HS1BP3: variants seen among roughly 807,000 people sequenced by gnomAD.
HS1BP3 encodes the protein HCLS1-binding protein 3.
HS1BP3 carries 32 observed loss-of-function variants against 33.5 expected under a neutral mutation model. The ratio of observed to expected loss-of-function variants is 0.95; its 90% CI spans 0.72 to 1.28. The LOEUF is 1.28. Among genes scored for constraint, HS1BP3 ranks in the 50% most tolerant of loss-of-function variants. The pLI, the probability that HS1BP3 is intolerant of heterozygous loss-of-function variation, is 0.00. For synonymous variants in HS1BP3, 187 were observed against 209.2 expected (o/e 0.89, Z 0.92); for missense variants, 486 against 502.3 (o/e 0.97, Z 0.31).
At chr2:20,644,647 T>C (rs1695461503) in intron 2 of HS1BP3, among the ~76,000 whole-genome samples, 1 of 152,232 alleles carries the variant, frequency 6.6e-6, no homozygotes, top group Admixed American at 6.5e-5. Context: ...GCAACTGGCC[T>C]GCTCCAAGCC....
chr2:20,564,892 C>A (rs1220093713), intron 5 of HS1BP3, among the ~76,000 whole-genome samples: 1 of 152,214 alleles, frequency 6.6e-6, no homozygotes, highest in South Asian at 2.1e-4. Context: ...AGAGGCAGAA[C>A]TTCCACCACC....
downstream of HS1BP3, among the ~76,000 whole-genome samples, chr2:20,556,993 C>T (rs1164252511): frequency 6.6e-6 from 1 of 152,210 alleles, no homozygotes; most frequent in Non-Finnish European, 1.5e-5. Context: ...GTTCGTTCTA[C>T]CCCATGCCTT....
chr2:20,571,919 G>A (rs74346023), intron 5 of HS1BP3, among the ~76,000 whole-genome samples: 7,314 of 152,300 alleles, frequency 0.048, 165 homozygotes, highest in South Asian at 0.066. Flanking sequence ...CCGGAGCACC[G>A]AGGCCAGGAA....
At chr2:20,648,244 C>T (rs1410192743) in intron 1 of HS1BP3, among the ~76,000 whole-genome samples, 5 of 152,192 alleles carry the variant, frequency 3.3e-5, no homozygotes, top group South Asian at 2.1e-4. Flanking sequence ...CCCCTTGCTC[C>T]GTTTCCCTCC....
Position 20,623,966 on chromosome 2 carries a change from G to A in HS1BP3, c.850C>T (p.Pro284Ser), listed in dbSNP as rs750317686. 2.5e-6 allele frequency: 4 copies of A among 1,612,180 alleles called. No homozygotes were observed. The highest frequency in any genetic ancestry group is 2.2e-5 in the East Asian group (1 of 44,864). ...AIPLGDSLLL[P>S]AACESGGPTP... ...GGCCCTCCACTCTCACAGGCGGCTG[G>A]CAGCAGGAGGGAGTCACCCAGGGGG... is the stretch of plus-strand genomic sequence containing the variant. Residue 284 changes from proline to serine, a missense_variant, in exon 6 of 7, where the codon CCA becomes TCA. Physicochemically the swap from Pro to Ser is moderately conservative, Grantham distance 74 (BLOSUM62 -1). Transcript: ENST00000304031.
chr2:20,583,488 C>T (rs1403340864), intron 5 of HS1BP3, among the ~76,000 whole-genome samples: 6 of 152,196 alleles, frequency 3.9e-5, no homozygotes, highest in Admixed American at 2.6e-4. Context: ...CCTGGAGGGA[C>T]GCTGCTGGAT....
At position 20,601,441 on chromosome 2, in the gene HS1BP3, A is replaced by C. The variant is rs1201132878; in HGVS notation, c.179-3176T>G. ...ACGCAGATCTGAGTGAGGGTTTGAT[A>C]TCGTTTGGCTGTGACCCCACCCATA... On this transcript the variant is annotated intron_variant, in intron 2 of 3. Transcript: ENST00000415264. Among the ~76,000 whole-genome samples the C allele has an allele frequency of 2.6e-5, 4 of 152,168 alleles. No individual in the cohort carries two copies. The East Asian group carries it at 7.7e-4, about 29-fold the overall frequency.
intron 5 of HS1BP3, among the ~76,000 whole-genome samples, chr2:20,564,749 G>A (rs1240023642): frequency 1.3e-5 from 2 of 152,180 alleles, no homozygotes; most frequent in Admixed American, 6.5e-5. Flanking sequence ...CTCCCAAAGT[G>A]CTGAGATTAC....
rs1043387560 is a variant in HS1BP3, at chr2:20,618,965, G to T, written c.*22C>A. ...ATGTCCCCACAGACAGGCCTGCTGG[G>T]CCAGGGGCCAGCATGGAAGGGTCAG... On this transcript the variant is annotated 3_prime_UTR_variant, in exon 7 of 7. Coordinates refer to ENST00000304031, the MANE Select transcript of HS1BP3 (RefSeq NM_022460.4). 6.2e-7 allele frequency: 1 copy of T among 1,604,888 alleles called. No homozygotes were observed. The highest frequency in any genetic ancestry group is 1.3e-5 in the African/African-American group (1 of 74,912).
rs150458968 is a variant in HS1BP3, at chr2:20,645,153, G to A, written c.198+187C>T. Among the ~76,000 whole-genome samples, 605 of 152,238 alleles carry A rather than the reference G, an allele frequency of 4.0e-3. 8 individuals are homozygous for A. The highest frequency in any genetic ancestry group is 0.013 in the African/African-American group (555 of 41,552). ...TCTCTTTAGAGGTCTGCCTCTCCAC[G>A]GACTGAGAGCGTCTGATTCACCCTG... On this transcript the variant is annotated intron_variant, in intron 2 of 6. Transcript: ENST00000304031.
chr2:20,638,755 G>A, intron 3 of HS1BP3, 103 bp from the exon 4 acceptor site: 1 of 866,142 alleles, frequency 1.2e-6, no homozygotes, highest in Non-Finnish European at 1.8e-6. Context: ...GAGGCCGAGG[G>A]CTTCCTGCAG....
At chr2:20,569,644 C>T (rs576270738) in intron 5 of HS1BP3, among the ~76,000 whole-genome samples, 32 of 152,364 alleles carry the variant, frequency 2.1e-4, no homozygotes, top group African/African-American at 7.5e-4. Context: ...AGCCATGCCT[C>T]TCTCGGTCAC....
intron 2 of HS1BP3, among the ~76,000 whole-genome samples, chr2:20,604,082 T>A (rs567053712): frequency 1.3e-5 from 2 of 152,228 alleles, no homozygotes; most frequent in Non-Finnish European, 2.9e-5. Flanking sequence ...ATTCCCTTTT[T>A]GGAAATTAAC....
At chr2:20,639,332 G>C (rs895460107) in intron 3 of HS1BP3, among the ~76,000 whole-genome samples, 1 of 152,236 alleles carries the variant, frequency 6.6e-6, no homozygotes, top group Admixed American at 6.5e-5. Context: ...AAACTTCATA[G>C]CATGCTGCCA....
rs571709416 is a variant in HS1BP3, at chr2:20,587,255, C to G, written c.303-26740G>C. Among the ~76,000 whole-genome samples the G allele has an allele frequency of 4.6e-3, 704 of 152,106 alleles. 5 individuals carry two copies. The highest frequency in any genetic ancestry group is 0.017 in the African/African-American group (685 of 41,478). On this transcript the variant is annotated intron_variant, in intron 5 of 5. Coordinates refer to the HS1BP3 transcript ENST00000446825. ...GTGGTCTTTTTGAAGAATGTTTATG[C>G]AAAGGAAAAGAAACGAAAGTGAAAA...
chr2:20,629,358 G>C (rs979621308), intron 4 of HS1BP3, among the ~76,000 whole-genome samples: 1 of 152,228 alleles, frequency 6.6e-6, no homozygotes, highest in Non-Finnish European at 1.5e-5. Context: ...GTCTGCAGGC[G>C]CAGGGCCTGG....
At chr2:20,615,440 A>T (rs80111761), downstream of HS1BP3, among the ~76,000 whole-genome samples, 1 of 152,204 alleles carries the variant, frequency 6.6e-6, no homozygotes, top group African/African-American at 2.4e-5. Context: ...GGTGCTGAGC[A>T]GGGAATGGTT....
chr2:20,554,705 A>C, the HS1BP3 span, among the ~76,000 whole-genome samples: 7 of 122,442 alleles, frequency 5.7e-5, no homozygotes, highest in Non-Finnish European at 1.0e-4. Flanking sequence ...ACTCCACCTC[A>C]CAAAAAAAAA....
chr2:20,596,914 C>A (rs1693956119), intron 3 of HS1BP3, among the ~76,000 whole-genome samples: 1 of 152,192 alleles, frequency 6.6e-6, no homozygotes, highest in African/African-American at 2.4e-5. Context: ...CCGTGGCAGC[C>A]AGCAGGTGCC....
Sources: allele counts gnomAD v4.1 joint callset (sites outside exome capture counted in the v4.1 genomes callset), GRCh38; gene constraint gnomAD v4.1.1; transcripts MANE v1.5; gene names NCBI Gene and HGNC (gene_info 2026-07-23, HGNC 2026-07-21).